AHDC1: variants seen among roughly 807,000 people sequenced by gnomAD.
AHDC1 encodes the protein transcription factor Gibbin.
AHDC1 carries 7 observed loss-of-function variants against 87.9 expected under a neutral mutation model. The observed-to-expected ratio is 0.08, with a 90% CI of 0.05 to 0.15. AHDC1 has a LOEUF of 0.15. AHDC1 is among the 10% of genes least tolerant of loss of function. The pLI is 1.00. For missense variants in AHDC1, 1,841 were observed against 2,253.2 expected, an observed-to-expected ratio of 0.82 and a Z score of 3.70; for synonymous variants, 1,051 against 1,006.8, an observed-to-expected ratio of 1.04 and a Z score of -0.83.
Position 27,593,895 on chromosome 1 carries a change from AG to A in AHDC1, c.-629+9501del, listed in dbSNP as rs1288089840. Among the ~76,000 whole-genome samples the A allele has an allele frequency of 1.3e-5, 2 of 152,190 alleles. No homozygotes were observed. The highest frequency in any genetic ancestry group is 4.8e-5 in the African/African-American group (2 of 41,442). On this transcript the variant is annotated intron_variant, in intron 3 of 8. Transcript: ENST00000673934. This position sits in a 1 kb window ranked among gnomAD's most constrained non-coding sequence, Gnocchi z 4.9. The stretch of plus-strand genomic sequence containing the variant: ...GCGATGTCTTGGGGACCCTTCCCAC[AG>A]CACTGCAGTTGCTTCTTCTTTAGGG...
intron 8 of AHDC1, among the ~76,000 whole-genome samples, chr1:27,541,092 G>A (rs547613612): frequency 5.8e-4 from 88 of 151,920 alleles, no homozygotes; most frequent in African/African-American, 1.8e-3. Flanking sequence ...CTGGGGGTGG[G>A]GTGCGTGCTT....
intron 3 of AHDC1, among the ~76,000 whole-genome samples, chr1:27,594,839 C>T (rs1413442680): frequency 8.6e-5 from 13 of 151,940 alleles, no homozygotes; most frequent in Non-Finnish European, 1.8e-4. Flanking sequence ...GACAGGGTGC[C>T]GTGGGGTGCA....
rs1327014041 is a variant in AHDC1, at chr1:27,561,620, G to C, written c.-628-2737C>G. On this transcript the variant is annotated intron_variant, in intron 3 of 8. Coordinates refer to ENST00000673934, the MANE Select transcript of AHDC1 (RefSeq NM_001371928.1). The surrounding 1 kb of genome is among the most constrained non-coding windows in gnomAD (Gnocchi z 4.2). ...TAGCTGCTCTGGCCTCCTTGTTCAG[G>C]GGGTGTTGGCTGGGGGAGATTTGTT... Among the ~76,000 whole-genome samples the C allele has an allele frequency of 2.0e-5, 3 of 152,042 alleles. No homozygotes were observed. The highest frequency in any genetic ancestry group is 4.4e-5 in the Non-Finnish European group (3 of 68,014).
rs2148254934 is a variant in AHDC1, at chr1:27,547,399, C to A, written c.4717G>T (p.Ala1573Ser). Residue 1573 changes from alanine to serine, a missense_variant, in exon 8 of 9, where the codon GCG becomes TCG. Around this residue, in one of 13 missense-constraint regions of AHDC1, gnomAD observed 505 missense variants for 626.2 expected, o/e 0.81. Transcript: ENST00000673934. This position sits in a 1 kb window ranked among gnomAD's most constrained non-coding sequence, Gnocchi z 4.9. Reference protein sequence around the residue: ...AYRYPGFMPQAHPGLGGGPKS... With the variant: ...AYRYPGFMPQSHPGLGGGPKS... ...GGGCCCCCACCCAGGCCAGGATGCGCCTGGGGCATAAAGCCTGGGTACCTG... is the reference window on the plus strand; with the variant it reads ...GGGCCCCCACCCAGGCCAGGATGCGACTGGGGCATAAAGCCTGGGTACCTG... 1 of 1,569,806 alleles carries A rather than the reference C, an allele frequency of 6.4e-7. No homozygotes were observed. Among genetic ancestry groups the A allele is most frequent in the Non-Finnish European group, 8.7e-7 (1 of 1,155,358 alleles).
chr1:27,602,691 G>A lies in AHDC1; in HGVS notation c.-629+706C>T, dbSNP rs1413359532. Reference sequence around the variant, plus strand: ...GGGCCGATTCAATCAGAGCCCCAGAGGAAACGCATTGATAGGCGATTATTT... The same window carrying A: ...GGGCCGATTCAATCAGAGCCCCAGAAGAAACGCATTGATAGGCGATTATTT... On this transcript the variant is annotated intron_variant, in intron 3 of 8. Transcript: ENST00000673934. Among the ~76,000 whole-genome samples, 6 of 152,202 alleles carry A rather than the reference G, an allele frequency of 3.9e-5. No individual in the cohort carries two copies. In the East Asian group the frequency reaches 5.8e-4, roughly 15 times the overall value.
At position 27,560,090 on chromosome 1, in the gene AHDC1, G is replaced by T. The variant is rs976084105; in HGVS notation, c.-628-1207C>A. 1.3e-5 allele frequency among the ~76,000 whole-genome samples: 2 copies of T among 152,180 alleles called. No individual in the cohort carries two copies. The highest frequency in any genetic ancestry group is 4.8e-5 in the African/African-American group (2 of 41,426). Reference sequence around the variant, plus strand: ...GCGTTTGCTCAGTTGTGGCTGCTGTGGTCAGCTGTGTGTGTGTATGTGTGA... The same window carrying T: ...GCGTTTGCTCAGTTGTGGCTGCTGTTGTCAGCTGTGTGTGTGTATGTGTGA... On this transcript the variant is annotated intron_variant, in intron 3 of 8. Coordinates refer to ENST00000673934, the MANE Select transcript of AHDC1 (RefSeq NM_001371928.1). The surrounding 1 kb of genome is among the most constrained non-coding windows in gnomAD (Gnocchi z 4.1).
chr1:27,592,431 C>T (rs2089250788), intron 3 of AHDC1, among the ~76,000 whole-genome samples: 1 of 152,162 alleles, frequency 6.6e-6, no homozygotes, highest in African/African-American at 2.4e-5. Context: ...GGGTGGGGGA[C>T]AGGAGATGGG....
intron 5 of AHDC1, among the ~76,000 whole-genome samples, chr1:27,557,320 T>C (rs948854624): frequency 6.7e-6 from 1 of 148,390 alleles, no homozygotes; most frequent in Non-Finnish European, 1.5e-5. Context: ...TCTTTCCTTC[T>C]GTCTCCCGGA....
rs377117403 is a variant in AHDC1, at chr1:27,551,025, C to A, written c.1091G>T (p.Arg364Leu). Residue 364 changes from arginine (R) to leucine (L), a missense_variant, in exon 8 of 9, where the codon CGC becomes CTC. Physicochemically the swap from Arg to Leu is moderately radical, Grantham distance 102. Transcript: ENST00000673934. Reference protein sequence around the residue: ...LGHCPLAEPLRLDLCSPHGPP... With the variant: ...LGHCPLAEPLLLDLCSPHGPP... Reference sequence around the variant, plus strand: ...GCCGTGCGGTGAGCACAAGTCCAGGCGCAAGGGCTCGGCCAGTGGGCAGTG... The same window carrying A: ...GCCGTGCGGTGAGCACAAGTCCAGGAGCAAGGGCTCGGCCAGTGGGCAGTG... The A allele has an allele frequency of 6.4e-7, 1 of 1,558,416 alleles. No individual in the cohort carries two copies. Among genetic ancestry groups the A allele is most frequent in the East Asian group, 2.3e-5 (1 of 43,886 alleles).
chr1:27,537,967 G>A (rs538567388), intron 8 of AHDC1, among the ~76,000 whole-genome samples: 1 of 152,324 alleles, frequency 6.6e-6, no homozygotes, highest in Non-Finnish European at 1.5e-5. Context: ...ATATATTTGT[G>A]CTTTCATTTA....
chr1:27,572,003 A>C (rs954301306), intron 3 of AHDC1, among the ~76,000 whole-genome samples: 1 of 151,860 alleles, frequency 6.6e-6, no homozygotes, highest in Non-Finnish European at 1.5e-5. Flanking sequence ...TTCAATATTT[A>C]TCACTCCCAC....
chr1:27,547,625 G>T lies in AHDC1; in HGVS notation c.4491C>A (p.Ala1497=), dbSNP rs781635710. 6.2e-7 allele frequency: 1 copy of T among 1,600,540 alleles called. No homozygotes were observed. Among genetic ancestry groups the T allele is most frequent in the South Asian group, 1.1e-5 (1 of 89,656 alleles). The change falls in exon 8 of 9, where the codon GCC becomes GCA. Residue 1497 remains alanine (A), a synonymous_variant. Coordinates refer to ENST00000673934, the MANE Select transcript of AHDC1 (RefSeq NM_001371928.1). This position sits in a 1 kb window ranked among gnomAD's most constrained non-coding sequence, Gnocchi z 4.9. ...CCAGGTGAGGGGCACTGAGGCACGC[G>T]GCCTCCGTCCTGCCCAGGAAGTCAG... The part of the protein sequence containing the change: ...LLADFLGRTE[A]ACLSAPHLAS...
Position 27,565,041 on chromosome 1 carries a change from G to A in AHDC1, c.-628-6158C>T, listed in dbSNP as rs558377247. On this transcript the variant is annotated intron_variant, in intron 3 of 8. Coordinates refer to ENST00000673934, the MANE Select transcript of AHDC1 (RefSeq NM_001371928.1). This position sits in a 1 kb window ranked among gnomAD's most constrained non-coding sequence, Gnocchi z 4.6. ...CCCTGGGGGTGGCTGGAGCTGGGGGGCCCTGGGGGACTGAGTAAAGCGTGG... is the reference window on the plus strand; with the variant it reads ...CCCTGGGGGTGGCTGGAGCTGGGGGACCCTGGGGGACTGAGTAAAGCGTGG... 6.6e-6 allele frequency among the ~76,000 whole-genome samples: 1 copy of A among 152,308 alleles called. No homozygotes were observed. The highest frequency in any genetic ancestry group is 2.1e-4 in the South Asian group (1 of 4,832).
intron 3 of AHDC1, among the ~76,000 whole-genome samples, chr1:27,571,634 C>T (rs1187274062): frequency 1.3e-5 from 2 of 152,042 alleles, no homozygotes; most frequent in Non-Finnish European, 2.9e-5. Context: ...GCTTCGGCCT[C>T]AGTCCAAGTT....
intron 7 of AHDC1, chr1:27,552,491 T>G: frequency 5.1e-6 from 1 of 194,360 alleles, no homozygotes; most frequent in Non-Finnish European, 1.0e-5. Context: ...CTCCGCCTCC[T>G]AGTGCAAGCG....
rs748106770 is a variant in AHDC1, at chr1:27,549,565, C to T, written c.2551G>A (p.Asp851Asn). 9 of 1,613,194 alleles carry T rather than the reference C, an allele frequency of 5.6e-6. No individual in the cohort carries two copies. The highest frequency in any genetic ancestry group is 1.7e-5 in the Admixed American group (1 of 60,026). The change falls in exon 8 of 9, where the codon GAT becomes AAT. Residue 851 changes from aspartate to asparagine, a missense_variant. This residue lies in a region of AHDC1 where 378 missense variants were observed against 399.0 expected (regional missense o/e 0.95). Coordinates refer to ENST00000673934, the MANE Select transcript of AHDC1 (RefSeq NM_001371928.1). Reference sequence around the variant, plus strand: ...GCTGAGAGGGCAAAGTCCAAGAGATCGGAGGAGTCATCCGAATCGAGCAGC... The same window carrying T: ...GCTGAGAGGGCAAAGTCCAAGAGATTGGAGGAGTCATCCGAATCGAGCAGC... Reference protein sequence around the residue: ...RSLLDSDDSSDLLDFALSASR... With the variant: ...RSLLDSDDSSNLLDFALSASR...
intron 8 of AHDC1, among the ~76,000 whole-genome samples, chr1:27,542,783 G>C (rs1003314359): frequency 6.6e-6 from 1 of 152,194 alleles, no homozygotes; most frequent in Middle Eastern, 3.2e-3. Flanking sequence ...GAAAGAAGAA[G>C]GGTGAGTCGG....
intron 3 of AHDC1, among the ~76,000 whole-genome samples, chr1:27,564,861 T>A (rs1557681592): frequency 2.6e-5 from 4 of 151,984 alleles, no homozygotes; most frequent in Admixed American, 2.0e-4. Context: ...CACCTGGTGC[T>A]TGGAAGGACT....
intron 3 of AHDC1, among the ~76,000 whole-genome samples, chr1:27,569,350 T>C (rs2020469419): frequency 1.3e-5 from 2 of 152,138 alleles, no homozygotes; most frequent in Non-Finnish European, 2.9e-5. Flanking sequence ...ATTAGTCTTA[T>C]TTTGTAGATG....
Sources: gnomAD v4.1 joint callset for allele counts (sites outside exome capture counted in the v4.1 genomes callset) on GRCh38, gnomAD v4.1.1 for gene constraint, gnomAD v4.1.1 regional missense constraint, Gnocchi (gnomAD v3.1) non-coding constraint, MANE v1.5 for transcripts, NCBI Gene and HGNC (gene_info 2026-07-23, HGNC 2026-07-21) for gene names.